The following CCDC171 variants were observed in gnomAD, a reference collection of about 807,000 sequenced individuals.
The protein encoded by CCDC171 is coiled-coil domain containing 171, also known as coiled-coil domain-containing protein 171.
CCDC171 carries 177 observed loss-of-function variants against 168.2 expected under a neutral mutation model. The observed-to-expected ratio is 1.05, with a 90% CI of 0.93 to 1.19. The LOEUF (loss-of-function observed/expected upper bound fraction) is 1.19, where lower values mean the gene tolerates loss of function less well. Ranked by LOEUF, CCDC171 falls within the 50% of genes most tolerant of loss-of-function variation. The pLI, the probability that CCDC171 is intolerant of heterozygous loss-of-function variation, is 0.00. For missense variants in CCDC171, 1,991 were observed against 1,539.0 expected, an observed-to-expected ratio of 1.29 and a Z score of -4.91; for synonymous variants, 687 against 540.8, an observed-to-expected ratio of 1.27 and a Z score of -3.75.
intron 22 of CCDC171, among the ~76,000 whole-genome samples, chr9:15,847,936 C>A (rs2060972472): frequency 2.0e-5 from 3 of 151,948 alleles, no homozygotes; most frequent in African/African-American, 7.2e-5. Flanking sequence ...TAACATTGCA[C>A]CACCATCTGA....
intron 7 of CCDC171, among the ~76,000 whole-genome samples, chr9:15,634,508 C>G (rs1056082246): frequency 2.0e-5 from 3 of 152,096 alleles, no homozygotes; most frequent in Non-Finnish European, 4.4e-5. Context: ...CTGTGTTCAG[C>G]TTCTGGTTCA....
At chr9:15,678,473 C>G (rs1408091449) in intron 9 of CCDC171, among the ~76,000 whole-genome samples, 2 of 152,066 alleles carry the variant, frequency 1.3e-5, no homozygotes, top group Non-Finnish European at 2.9e-5. Flanking sequence ...GTGGGTTTTG[C>G]TCGTCAAAAA....
chr9:15,686,409 A>G (rs2050396380), intron 10 of CCDC171, among the ~76,000 whole-genome samples: 1 of 152,060 alleles, frequency 6.6e-6, no homozygotes, highest in Non-Finnish European at 1.5e-5. Context: ...CATTAAAGAT[A>G]ATATATGTAT....
At chr9:15,860,413 C>A (rs2061511236) in intron 23 of CCDC171, among the ~76,000 whole-genome samples, 1 of 151,614 alleles carries the variant, frequency 6.6e-6, no homozygotes, top group Non-Finnish European at 1.5e-5. Flanking sequence ...TATGTTTCCC[C>A]TTACTACTGC....
intron 24 of CCDC171, among the ~76,000 whole-genome samples, chr9:15,891,193 A>T (rs1436781706): frequency 6.6e-6 from 1 of 152,162 alleles, no homozygotes; most frequent in Non-Finnish European, 1.5e-5. Context: ...ATGTGAAAAG[A>T]GGAAAGATAA....
At chr9:15,982,602 T>C (rs1458319169) in intron 3 of CCDC171, among the ~76,000 whole-genome samples, 1 of 152,138 alleles carries the variant, frequency 6.6e-6, no homozygotes, top group Non-Finnish European at 1.5e-5. Flanking sequence ...TTTCTTGTAA[T>C]GCACCCTCCT....
At chr9:15,673,870 G>C (rs1248843944) in intron 9 of CCDC171, among the ~76,000 whole-genome samples, 1 of 152,196 alleles carries the variant, frequency 6.6e-6, no homozygotes. Context: ...CATAAAATGA[G>C]TTAAGGAGGA....
chr9:15,988,618 C>G (rs541218211), intron 3 of CCDC171, among the ~76,000 whole-genome samples: 1 of 152,156 alleles, frequency 6.6e-6, no homozygotes, highest in Non-Finnish European at 1.5e-5. Context: ...CATGAGCCAA[C>G]GCAGGGCGAG....
At chr9:15,626,554 T>C (rs1028961956) in intron 7 of CCDC171, among the ~76,000 whole-genome samples, 2 of 152,242 alleles carry the variant, frequency 1.3e-5, no homozygotes, top group Non-Finnish European at 2.9e-5. Context: ...AGGCCTTTTC[T>C]GCATCTGTTG....
chr9:15,909,373 A>G (rs1420553585), intron 24 of CCDC171, among the ~76,000 whole-genome samples: 4 of 148,606 alleles, frequency 2.7e-5, no homozygotes, highest in Non-Finnish European at 4.5e-5. Context: ...CATTTTTAGC[A>G]GCTTTTATGC....
At chr9:15,638,038 T>G (rs2132458925) in intron 7 of CCDC171, among the ~76,000 whole-genome samples, 1 of 152,208 alleles carries the variant, frequency 6.6e-6, no homozygotes, top group East Asian at 1.9e-4. Flanking sequence ...CCCTGAGGAA[T>G]CACCACACTG....
At chr9:15,688,136 A>AAAAG (rs1564211926) in intron 10 of CCDC171, among the ~76,000 whole-genome samples, 1 of 146,092 alleles carries the variant, frequency 6.8e-6, no homozygotes, top group Non-Finnish European at 1.5e-5. Context: ...AAAAAAAAAA[A>AAAAG]AAAGAAAGAA....
intron 1 of CCDC171, among the ~76,000 whole-genome samples, chr9:16,046,863 C>T (rs764982666): frequency 9.2e-5 from 14 of 152,168 alleles, no homozygotes; most frequent in Non-Finnish European, 1.6e-4. Context: ...TCTTTATCAG[C>T]AGCGTGAGAA....
intron 18 of CCDC171, among the ~76,000 whole-genome samples, chr9:15,761,904 G>C (rs1341246245): frequency 6.6e-6 from 1 of 152,066 alleles, no homozygotes; most frequent in Non-Finnish European, 1.5e-5. Context: ...ACAGTGAACA[G>C]ATATTTTGTA....
chr9:15,559,200 G>A (rs936287375), intron 1 of CCDC171, among the ~76,000 whole-genome samples: 4 of 152,146 alleles, frequency 2.6e-5, no homozygotes, highest in Non-Finnish European at 4.4e-5. Context: ...CGAGAAGAAT[G>A]TATATTCTGT....
chr9:15,636,237 C>G (rs1397551196), intron 7 of CCDC171, among the ~76,000 whole-genome samples: 1 of 151,954 alleles, frequency 6.6e-6, no homozygotes, highest in Non-Finnish European at 1.5e-5. Flanking sequence ...ACAGAAATGC[C>G]AAATATGAAC....
chr9:15,620,018 T>C (rs2044382503), intron 6 of CCDC171, among the ~76,000 whole-genome samples: 1 of 152,196 alleles, frequency 6.6e-6, no homozygotes. Context: ...CCACGGTACC[T>C]GCTGCTCAGA....
the CCDC171 span, among the ~76,000 whole-genome samples, chr9:16,081,087 C>A: frequency 6.6e-6 from 1 of 152,192 alleles, no homozygotes; most frequent in Non-Finnish European, 1.5e-5. Flanking sequence ...TAGCGGGCCA[C>A]CTCTCCTACC....
chr9:15,836,536 A>G (rs2060458365), intron 21 of CCDC171, among the ~76,000 whole-genome samples: 1 of 152,062 alleles, frequency 6.6e-6, no homozygotes, highest in Admixed American at 6.5e-5. Context: ...TATTTTTAGT[A>G]GAGACGAGGT....
Sources: gnomAD v4.1 joint callset for allele counts (sites outside exome capture counted in the v4.1 genomes callset) on GRCh38, gnomAD v4.1.1 for gene constraint, MANE v1.5 for transcripts, NCBI Gene and HGNC (gene_info 2026-07-23, HGNC 2026-07-21) for gene names.